The following TPH2 variants were observed in gnomAD, a reference collection of about 807,000 sequenced individuals.
TPH2 encodes tryptophan hydroxylase 2.
In TPH2, 27 loss-of-function variants were observed where a neutral mutation model predicts 59.1. That is an observed-to-expected ratio of 0.46 (90% confidence interval 0.34 to 0.63). The LOEUF is 0.63. Among genes scored for constraint, TPH2 ranks in the 30% least tolerant of loss-of-function variants. The pLI is 0.01. For missense variants in TPH2, 523 were observed against 588.3 expected, an observed-to-expected ratio of 0.89 and a Z score of 1.15; for synonymous variants, 220 against 210.5, an observed-to-expected ratio of 1.05 and a Z score of -0.39.
intron 4 of TPH2, among the ~76,000 whole-genome samples, chr12:71,946,710 CA>C (rs1871206137): frequency 1.3e-5 from 2 of 152,264 alleles, no homozygotes; most frequent in South Asian, 4.1e-4. Flanking sequence ...GGAATAATCC[CA>C]GTCCTGAGAC....
intron 7 of TPH2, among the ~76,000 whole-genome samples, chr12:71,982,013 G>GTTTTTTTTTTTTTTTTTTTTT (rs1468983565): frequency 2.2e-4 from 12 of 55,692 alleles, no homozygotes; most frequent in Middle Eastern, 9.8e-3. Context: ...CATATCATTC[G>GTTTTTTTTTTTTTTTTTTTTT]TATTTTTTTT....
intron 5 of TPH2, chr12:71,962,787 C>A (rs1376038473): frequency 1.5e-6 from 1 of 678,830 alleles, no homozygotes; most frequent in African/African-American, 2.0e-5. Flanking sequence ...GGCACGATCT[C>A]AGCTCACTGC....
At chr12:72,014,217 G>T (rs17110690) in intron 8 of TPH2, among the ~76,000 whole-genome samples, 1 of 151,718 alleles carries the variant, frequency 6.6e-6, no homozygotes, top group Admixed American at 6.6e-5. Context: ...AACCATGTTA[G>T]TGAGGACTAG....
intron 9 of TPH2, among the ~76,000 whole-genome samples, chr12:72,024,553 A>G (rs755740823): frequency 6.6e-6 from 1 of 152,252 alleles, no homozygotes; most frequent in Non-Finnish European, 1.5e-5. Flanking sequence ...CATGCACTCT[A>G]TAGAGTGTTT....
At chr12:71,997,214 C>T (rs1200404665) in intron 8 of TPH2, among the ~76,000 whole-genome samples, 2 of 152,082 alleles carry the variant, frequency 1.3e-5, no homozygotes, top group Non-Finnish European at 2.9e-5. Flanking sequence ...TTTCTGTCAT[C>T]ACATCTCTCT....
intron 6 of TPH2, among the ~76,000 whole-genome samples, chr12:71,976,663 T>C (rs1333805119): frequency 6.6e-6 from 1 of 152,198 alleles, no homozygotes; most frequent in Non-Finnish European, 1.5e-5. Context: ...AAGTGAAGGC[T>C]TTTGGAATGA....
intron 6 of TPH2, among the ~76,000 whole-genome samples, chr12:71,978,209 C>T (rs1030055072): frequency 2.0e-5 from 3 of 148,724 alleles, no homozygotes; most frequent in Admixed American, 6.7e-5. Context: ...TAATAAAATG[C>T]ATATTTAAAA....
intron 6 of TPH2, among the ~76,000 whole-genome samples, chr12:71,978,369 CT>C (rs1471408033): frequency 6.6e-6 from 1 of 152,146 alleles, no homozygotes; most frequent in Non-Finnish European, 1.5e-5. Context: ...TGCATTCTTA[CT>C]TTGTTTCCTC....
At chr12:72,004,890 A>C (rs537386792) in intron 8 of TPH2, among the ~76,000 whole-genome samples, 46 of 152,336 alleles carry the variant, frequency 3.0e-4, no homozygotes, top group Non-Finnish European at 5.6e-4. Context: ...AACCCAGAAT[A>C]CATTTAGTAG....
At chr12:72,010,597 A>G (rs989220430) in intron 8 of TPH2, among the ~76,000 whole-genome samples, 1 of 152,188 alleles carries the variant, frequency 6.6e-6, no homozygotes, top group Non-Finnish European at 1.5e-5. Flanking sequence ...GTTTTCAGAC[A>G]CGAAATCATC....
At chr12:72,002,808 T>A (rs1872860902) in intron 8 of TPH2, among the ~76,000 whole-genome samples, 1 of 152,016 alleles carries the variant, frequency 6.6e-6, no homozygotes, top group Non-Finnish European at 1.5e-5. Context: ...AATACAGGGT[T>A]CTGTTTGTAC....
intron 8 of TPH2, among the ~76,000 whole-genome samples, chr12:72,008,955 G>A (rs912479730): frequency 2.0e-5 from 3 of 152,144 alleles, no homozygotes; most frequent in African/African-American, 7.2e-5. Context: ...GTGCATGTGT[G>A]TGTGTGTGTA....
intron 5 of TPH2, chr12:71,964,639 T>C (rs1871765863): frequency 3.0e-6 from 3 of 985,268 alleles, no homozygotes; most frequent in Non-Finnish European, 1.2e-6. Context: ...AATATAGTAC[T>C]AGGTAACACT....
At chr12:72,018,295 C>T (rs373170592) in intron 8 of TPH2, among the ~76,000 whole-genome samples, 25 of 152,288 alleles carry the variant, frequency 1.6e-4, no homozygotes, top group African/African-American at 6.0e-4. Context: ...AGCACAGGGG[C>T]TCTTTTCCTC....
At chr12:71,949,473 A>T in intron 4 of TPH2, 115 bp from the exon 5 acceptor site, 1 of 840,784 alleles carries the variant, frequency 1.2e-6, no homozygotes, top group Non-Finnish European at 2.0e-6. Flanking sequence ...TGGCCATCCT[A>T]GGATAAGATT....
chr12:71,967,459 A>C (rs971817665), intron 5 of TPH2, among the ~76,000 whole-genome samples: 1 of 152,222 alleles, frequency 6.6e-6, no homozygotes, highest in African/African-American at 2.4e-5. Flanking sequence ...GTCGCTGAAC[A>C]CTGGTTCCAT....
chr12:71,990,087 A>C (rs915596553), intron 7 of TPH2, among the ~76,000 whole-genome samples: 1 of 152,196 alleles, frequency 6.6e-6, no homozygotes, highest in Non-Finnish European at 1.5e-5. Context: ...AAAATGTATC[A>C]AAGGGATGGG....
intron 9 of TPH2, among the ~76,000 whole-genome samples, chr12:72,026,960 T>C (rs111585091): frequency 1.2e-4 from 18 of 152,284 alleles, no homozygotes; most frequent in African/African-American, 4.1e-4. Flanking sequence ...TCTTTTGATG[T>C]GGAAAAAGAT....
intron 8 of TPH2, among the ~76,000 whole-genome samples, chr12:72,006,453 C>T (rs1215910230): frequency 1.3e-5 from 2 of 152,048 alleles, no homozygotes; most frequent in Non-Finnish European, 2.9e-5. Flanking sequence ...AGGGAGGATT[C>T]TGGCTGAACT....
Sources: allele counts gnomAD v4.1 joint callset (sites outside exome capture counted in the v4.1 genomes callset), GRCh38; gene constraint gnomAD v4.1.1; transcripts MANE v1.5; gene names NCBI Gene and HGNC (gene_info 2026-07-23, HGNC 2026-07-21).